The following SPAG16 variants were observed in gnomAD, a reference collection of about 807,000 sequenced individuals.
The protein encoded by SPAG16 is sperm-associated antigen 16 protein.
SPAG16 carries 86 observed loss-of-function variants against 80.4 expected under a neutral mutation model. The observed-to-expected ratio is 1.07, with a 90% CI of 0.90 to 1.28. The LOEUF (loss-of-function observed/expected upper bound fraction) is 1.28, where lower values mean the gene tolerates loss of function less well. SPAG16 is among the 50% of genes most tolerant of loss of function. The pLI is 0.00. For synonymous variants in SPAG16, 294 were observed against 265.9 expected (o/e 1.11, Z -1.03); for missense variants, 870 against 765.3 (o/e 1.14, Z -1.61).
intron 10 of SPAG16, among the ~76,000 whole-genome samples, chr2:213,565,844 G>T (rs554079993): frequency 1.4e-3 from 208 of 152,284 alleles, no homozygotes; most frequent in African/African-American, 4.8e-3. Flanking sequence ...AAGCAAAAGA[G>T]GACATACTGA....
chr2:213,810,758 T>C (rs1170199007), intron 10 of SPAG16, among the ~76,000 whole-genome samples: 2 of 152,214 alleles, frequency 1.3e-5, no homozygotes, highest in East Asian at 1.9e-4. Flanking sequence ...CAGAACTAAC[T>C]ACCTAGCTCA....
chr2:213,911,034 C>T (rs557160286), intron 11 of SPAG16, among the ~76,000 whole-genome samples: 1 of 152,200 alleles, frequency 6.6e-6, no homozygotes, highest in South Asian at 2.1e-4. Context: ...CTGTTCCACC[C>T]CCTCTCATAA....
intron 15 of SPAG16, among the ~76,000 whole-genome samples, chr2:214,278,742 G>A (rs76493593): frequency 0.11 from 16,395 of 152,060 alleles, 1,007 homozygotes; most frequent in Middle Eastern, 0.2. Context: ...ATTATGCCAC[G>A]GTGAATGCAA....
At chr2:213,436,196 C>G (rs1042647837) in intron 9 of SPAG16, among the ~76,000 whole-genome samples, 1 of 152,048 alleles carries the variant, frequency 6.6e-6, no homozygotes, top group African/African-American at 2.4e-5. Context: ...CTTCTTCATC[C>G]GTGGTGTGTA....
chr2:213,763,488 G>C (rs1186096804), intron 10 of SPAG16, among the ~76,000 whole-genome samples: 2 of 152,132 alleles, frequency 1.3e-5, no homozygotes, highest in Non-Finnish European at 2.9e-5. Context: ...CAAACTCATA[G>C]AAGCAGAAAC....
At chr2:213,669,277 A>G (rs2063729262) in intron 10 of SPAG16, among the ~76,000 whole-genome samples, 1 of 152,190 alleles carries the variant, frequency 6.6e-6, no homozygotes, top group Non-Finnish European at 1.5e-5. Context: ...GTAGCTTATT[A>G]CCAAAGTTAC....
chr2:213,881,371 G>A (rs775531680), intron 11 of SPAG16, among the ~76,000 whole-genome samples: 1 of 152,180 alleles, frequency 6.6e-6, no homozygotes, highest in East Asian at 1.9e-4. Context: ...CCTTTTGACA[G>A]TCTTCAGATT....
intron 15 of SPAG16, among the ~76,000 whole-genome samples, chr2:214,270,755 C>A (rs1691932984): frequency 6.6e-6 from 1 of 152,046 alleles, no homozygotes; most frequent in Non-Finnish European, 1.5e-5. Context: ...ATTTAAATAT[C>A]CTAGATATTT....
At chr2:214,048,577 C>T (rs560768809) in intron 13 of SPAG16, among the ~76,000 whole-genome samples, 27 of 145,684 alleles carry the variant, frequency 1.9e-4, no homozygotes, top group South Asian at 4.4e-4. Context: ...AGACGGGTGG[C>T]GGGGGGAAGT....
In SPAG16 at chr2:214,010,321, G is replaced by A. The variant is rs924083724; in HGVS notation, c.1401-3630G>A. 3.4e-5 allele frequency among the ~76,000 whole-genome samples: 5 copies of A among 145,756 alleles called. 1 individual carries two copies. The highest frequency in any genetic ancestry group is 3.3e-4 in the Admixed American group (5 of 14,948). ...TTGTAGAGAAAATATTAAACGTAAA[G>A]GCAAATTAGACAAAAAAGGACATAG... is the stretch of plus-strand genomic sequence containing the variant. On this transcript the variant is annotated intron_variant, in intron 12 of 15. Coordinates refer to ENST00000331683, the MANE Select transcript of SPAG16 (RefSeq NM_024532.5).
chr2:213,477,355 G>T (rs2073461366), intron 9 of SPAG16, among the ~76,000 whole-genome samples: 1 of 152,142 alleles, frequency 6.6e-6, no homozygotes, highest in South Asian at 2.1e-4. Flanking sequence ...ACCTCAGAAT[G>T]GTAGATCCAC....
intron 1 of SPAG16, among the ~76,000 whole-genome samples, chr2:213,285,157 C>A (rs1033108562): frequency 1.3e-5 from 2 of 152,122 alleles, no homozygotes; most frequent in African/African-American, 4.8e-5. Flanking sequence ...CTGAGTAGTT[C>A]CAAGTTTGAC....
At chr2:213,885,714 T>A (rs1347177166) in intron 11 of SPAG16, among the ~76,000 whole-genome samples, 1 of 152,208 alleles carries the variant, frequency 6.6e-6, no homozygotes, top group Non-Finnish European at 1.5e-5. Context: ...TATTCCTTGG[T>A]ACCCTTCCAT....
intron 10 of SPAG16, among the ~76,000 whole-genome samples, chr2:213,630,500 C>T (rs950256893): frequency 2.0e-5 from 3 of 151,998 alleles, no homozygotes; most frequent in South Asian, 2.1e-4. Context: ...AGTTATATTT[C>T]TTCTAACATT....
chr2:214,229,570 TC>T (rs1364278365), intron 15 of SPAG16, among the ~76,000 whole-genome samples: 1 of 151,826 alleles, frequency 6.6e-6, no homozygotes, highest in Non-Finnish European at 1.5e-5. Flanking sequence ...AATTGAGTTT[TC>T]TTATTAGAAT....
rs143957390 is a variant in SPAG16 at position 213,584,997 on chromosome 2, T to C, written c.1070+94907T>C. On this transcript the variant is annotated intron_variant, in intron 10 of 15. Transcript: ENST00000331683. ...TGAGGTTAGGAGTTCAAGATCAGCC[T>C]GGCCAACATGGCGAAACCCCATCTC... Among the ~76,000 whole-genome samples, 231 of 151,730 alleles carry C rather than the reference T, an allele frequency of 1.5e-3. 3 individuals are homozygous for C. Among genetic ancestry groups the C allele is most frequent in the Non-Finnish European group, 3.0e-3 (201 of 67,762 alleles).
chr2:214,014,031 T>C lies in SPAG16; in HGVS notation c.1481T>C (p.Leu494Pro). The C allele has an allele frequency of 6.2e-7, 1 of 1,613,610 alleles. No individual in the cohort carries two copies. The highest frequency in any genetic ancestry group is 8.5e-7 in the Non-Finnish European group (1 of 1,179,768). ...IEFFPFSNTLLTSSADKTLSI... is the reference protein window; with the variant it reads ...IEFFPFSNTLPTSSADKTLSI... ...TTTTTTCCTTTCTCCAATACTCTTC[T>C]CACAAGCTCTGCAGACAAGACCCTG... is the stretch of plus-strand genomic sequence containing the variant. Residue 494 changes from leucine to proline, a missense_variant, in exon 13 of 16, where the codon CTC becomes CCC. Coordinates refer to ENST00000331683, the MANE Select transcript of SPAG16 (RefSeq NM_024532.5).
chr2:213,609,794 T>G (rs534129615), intron 10 of SPAG16, among the ~76,000 whole-genome samples: 1 of 152,312 alleles, frequency 6.6e-6, no homozygotes, highest in East Asian at 1.9e-4. Flanking sequence ...TGATCTTTAA[T>G]TCAGCTTTTA....
intron 15 of SPAG16, among the ~76,000 whole-genome samples, chr2:214,152,180 CTATT>C (rs2056007366): frequency 3.2e-5 from 1 of 31,228 alleles, no homozygotes; most frequent in South Asian, 1.9e-3. Flanking sequence ...AAAATTTTCT[CTATT>C]TATTAACCTC....
Sources: gnomAD v4.1 joint callset for allele counts (sites outside exome capture counted in the v4.1 genomes callset) on GRCh38, gnomAD v4.1.1 for gene constraint, MANE v1.5 for transcripts, NCBI Gene and HGNC (gene_info 2026-07-23, HGNC 2026-07-21) for gene names.